SLC5A2: variants seen among roughly 807,000 people sequenced by gnomAD.
The protein encoded by SLC5A2 is solute carrier family 5 member 2.
In SLC5A2, 67 loss-of-function variants were observed where a neutral mutation model predicts 69.0. The ratio of observed to expected loss-of-function variants is 0.97; its 90% confidence interval spans 0.80 to 1.19. The LOEUF is 1.19. Ranked by LOEUF, SLC5A2 falls within the 50% of genes most tolerant of loss-of-function variation. The pLI is 0.00. For missense variants in SLC5A2, 1,001 were observed against 921.5 expected (o/e 1.09, Z -1.12); for synonymous variants, 455 against 395.8 (o/e 1.15, Z -1.78).
At chr16:31,487,970 G>A (rs1326202181) in intron 7 of SLC5A2, 68 bp from the exon 8 acceptor site, 10 of 1,599,072 alleles carry the variant, frequency 6.3e-6, no homozygotes, top group Non-Finnish European at 8.5e-6. Flanking sequence ...GGGGCACAGA[G>A]CGGAACGGGG....
At position 31,487,662 on chromosome 16, in the gene SLC5A2, A is replaced by G; in HGVS notation, c.788A>G (p.Tyr263Cys). ...SFCYRPRPDS[Y>C]HLLRHPVTGD... Reference sequence around the variant, plus strand: ...TGCTATCGACCCCGGCCCGACTCCTACCACCTGCTCCGGCACCCCGTGACC... The same window carrying G: ...TGCTATCGACCCCGGCCCGACTCCTGCCACCTGCTCCGGCACCCCGTGACC... The change falls in exon 7 of 14, where the codon TAC becomes TGC. Residue 263 changes from tyrosine to cysteine, a missense_variant. Transcript: ENST00000330498. 1 of 1,613,726 alleles carries G rather than the reference A, an allele frequency of 6.2e-7. No homozygotes were observed. Among genetic ancestry groups the G allele is most frequent in the Non-Finnish European group, 8.5e-7 (1 of 1,179,976 alleles).
rs1040141665 is a variant in SLC5A2, at chr16:31,483,141, A to C, written c.5A>C (p.Glu2Ala). Residue 2 changes from glutamate to alanine, a missense_variant, in exon 1 of 14, where the codon GAG (glutamate) becomes GCG (alanine). Coordinates refer to ENST00000330498, the MANE Select transcript of SLC5A2 (RefSeq NM_003041.4). ...ATGGGGCAGATCCTGGGGAGAATGG[A>C]GGAGCACACAGAGGCAGGCTCGGCA... Reference protein sequence around the residue: MEEHTEAGSAPE... With the variant: MAEHTEAGSAPE... The C allele has an allele frequency of 1.2e-6, 2 of 1,613,874 alleles. No individual in the cohort carries two copies. The highest frequency in any genetic ancestry group is 1.7e-6 in the Non-Finnish European group (2 of 1,180,022).
intron 3 of SLC5A2, 147 bp downstream of exon 3, chr16:31,485,070 T>C: frequency 2.5e-6 from 2 of 785,772 alleles, no homozygotes; most frequent in Admixed American, 2.0e-5. Context: ...GTGGAGGTCA[T>C]ACATCTAGCC....
In SLC5A2 at chr16:31,487,537, C is replaced by T. The variant is rs562917404; in HGVS notation, c.663C>T (p.His221=). Residue 221 remains histidine (H), a synonymous_variant, in exon 7 of 14, where the codon CAC becomes CAT. Transcript: ENST00000330498. The part of the protein sequence containing the change: ...GACILMGYAF[H]EVGGYSGLFD... ...GACGGCCTTGCCCGGCAGCCTTCCACGAGGTGGGCGGGTATTCGGGTCTCT... is the reference window on the plus strand; with the variant it reads ...GACGGCCTTGCCCGGCAGCCTTCCATGAGGTGGGCGGGTATTCGGGTCTCT... 37 of 1,613,836 alleles carry T rather than the reference C, an allele frequency of 2.3e-5. No individual in the cohort carries two copies. The East Asian group carries it at 7.4e-4, about 32-fold the overall frequency.
chr16:31,484,724 C>G lies in SLC5A2; in HGVS notation c.178C>G (p.Arg60Gly), dbSNP rs201586410. The G allele has an allele frequency of 6.2e-7, 1 of 1,610,110 alleles. No homozygotes were observed. Among genetic ancestry groups the G allele is most frequent in the African/African-American group, 1.3e-5 (1 of 75,056 alleles). ...TGTGGGCGGCTACTTCCTGGCAGGA[C>G]GCAGCATGGTGTGGTGGCCGGTGAG... ...GTVGGYFLAG[R>G]SMVWWPVGAS... Residue 60 changes from arginine (R) to glycine (G), a missense_variant, in exon 2 of 14, where the codon CGC (arginine) becomes GGC (glycine). Coordinates refer to ENST00000330498, the MANE Select transcript of SLC5A2 (RefSeq NM_003041.4).
At position 31,484,675 on chromosome 16, in the gene SLC5A2, C is replaced by T; in HGVS notation, c.129C>T (p.Ser43=). Residue 43 remains serine, a splice_region_variant and synonymous_variant, in exon 2 of 14, where the codon TCC becomes TCT. Transcript: ENST00000330498. Reference sequence around the variant, plus strand: ...TCTCCCCCGCCTCTGTCTCCCAGTCCATGTGCAGAACCAACAGAGGCACTG... The same window carrying T: ...TCTCCCCCGCCTCTGTCTCCCAGTCTATGTGCAGAACCAACAGAGGCACTG... The part of the protein sequence containing the change: ...FLLVIGVGLW[S]MCRTNRGTVG... The T allele has an allele frequency of 6.2e-7, 1 of 1,607,538 alleles. No homozygotes were observed. The highest frequency in any genetic ancestry group is 8.5e-7 in the Non-Finnish European group (1 of 1,179,982).
intron 1 of SLC5A2, among the ~76,000 whole-genome samples, chr16:31,484,284 AGTGG>A (rs940739937): frequency 2.6e-5 from 4 of 151,940 alleles, no homozygotes; most frequent in Non-Finnish European, 5.9e-5. Flanking sequence ...AGCTGGGTAT[AGTGG>A]CGTGTGCCTA....
Position 31,484,886 on chromosome 16 carries a change from C to T in SLC5A2, c.266C>T (p.Ala89Val). 2 of 1,614,216 alleles carry T rather than the reference C, an allele frequency of 1.2e-6. No individual in the cohort carries two copies. Among genetic ancestry groups the T allele is most frequent in the Non-Finnish European group, 1.7e-6 (2 of 1,180,040 alleles). The part of the protein sequence containing the change: ...GHFVGLAGTG[A>V]ASGLAVAGFE... ...TTTGTGGGCCTGGCAGGGACTGGCGCTGCAAGTGGCTTGGCTGTTGCTGGA... is the reference window on the plus strand; with the variant it reads ...TTTGTGGGCCTGGCAGGGACTGGCGTTGCAAGTGGCTTGGCTGTTGCTGGA... Residue 89 changes from alanine to valine, a missense_variant, in exon 3 of 14, where the codon GCT becomes GTT. By Grantham distance (64) the Ala-to-Val change is moderately conservative. Coordinates refer to ENST00000330498, the MANE Select transcript of SLC5A2 (RefSeq NM_003041.4).
rs764234388 is a variant in SLC5A2, at chr16:31,487,378, C to T, written c.633C>T (p.Gly211=). ...TACAGACCTTCGTCATTCTGGGGGG[C>T]GCCTGCATCCTCATGGGTTACGGTA... ...DTVQTFVILG[G]ACILMGYAFH... The change falls in exon 6 of 14, where the codon GGC becomes GGT. Residue 211 remains glycine (G), a synonymous_variant. Coordinates refer to ENST00000330498, the MANE Select transcript of SLC5A2 (RefSeq NM_003041.4). 6.2e-7 allele frequency: 1 copy of T among 1,613,726 alleles called. No homozygotes were observed. Among genetic ancestry groups the T allele is most frequent in the Non-Finnish European group, 8.5e-7 (1 of 1,180,006 alleles).
At chr16:31,489,690 G>A in intron 12 of SLC5A2, 1 of 467,466 alleles carries the variant, frequency 2.1e-6, no homozygotes, top group East Asian at 4.4e-5. Context: ...TCCAGGCAGG[G>A]CTGATGGTGG....
chr16:31,487,417 C>T lies in SLC5A2; in HGVS notation c.655+17C>T, dbSNP rs747566151. ...TGGGTTACGGTAGGGGCTCGCCTAC[C>T]AGGGAGGGGCGCGGAGGGCATGGTC... On this transcript the variant is annotated intron_variant, in intron 6 of 13. Coordinates refer to ENST00000330498, the MANE Select transcript of SLC5A2 (RefSeq NM_003041.4). 3.7e-6 allele frequency: 6 copies of T among 1,613,026 alleles called. No homozygotes were observed. The African/African-American group carries it at 8.0e-5, about 22-fold the overall frequency.
In SLC5A2 at chr16:31,488,891, T is replaced by C. The variant is rs1225171672; in HGVS notation, c.1292T>C (p.Val431Ala). ...ELLLVGRLWV[V>A]FIVVVSVAWL... Reference sequence around the variant, plus strand: ...GGCCTCCGCCGCAGGCTCTGGGTGGTGTTCATCGTGGTAGTGTCGGTGGCC... The same window carrying C: ...GGCCTCCGCCGCAGGCTCTGGGTGGCGTTCATCGTGGTAGTGTCGGTGGCC... The change falls in exon 11 of 14, where the codon GTG (valine) becomes GCG (alanine). Residue 431 changes from valine (V) to alanine (A), a missense_variant. Transcript: ENST00000330498. 6.2e-7 allele frequency: 1 copy of C among 1,605,324 alleles called. No homozygotes were observed. The highest frequency in any genetic ancestry group is 2.2e-5 in the East Asian group (1 of 44,838).
In SLC5A2 at chr16:31,489,233, C is replaced by A. The variant is rs1425585851; in HGVS notation, c.1560C>A (p.Phe520Leu). The A allele has an allele frequency of 1.2e-6, 2 of 1,610,436 alleles. No homozygotes were observed. Among genetic ancestry groups the A allele is most frequent in the Admixed American group, 3.3e-5 (2 of 60,008 alleles). ...TGCAGCCCTCGGCGTGCCCAGCTTT[C>A]CTCTGCGGCGTGCACTACCTCTACT... is the stretch of plus-strand genomic sequence containing the variant. ...SCVQPSACPA[F>L]LCGVHYLYFA... is the part of the protein sequence containing the mutation. The change falls in exon 12 of 14, where the codon TTC becomes TTA. Residue 520 changes from phenylalanine (F) to leucine (L), a missense_variant. Coordinates refer to ENST00000330498, the MANE Select transcript of SLC5A2 (RefSeq NM_003041.4).
chr16:31,489,398 T>A lies in SLC5A2; in HGVS notation c.1665+60T>A. ...GACACAGCACCTACCCTCTGCTTCC[T>A]GGAGTGCCCAGCTGGGAGGACCTGA... On this transcript the variant is annotated intron_variant, in intron 12 of 13. Coordinates refer to ENST00000330498, the MANE Select transcript of SLC5A2 (RefSeq NM_003041.4). The A allele has an allele frequency of 2.0e-6, 3 of 1,488,208 alleles. No homozygotes were observed. The South Asian group carries it at 3.5e-5, about 17-fold the overall frequency. The allele number at this position is 1,488,208 out of a possible 1,614,324, so 92.2% of individuals were successfully genotyped here. A position where few individuals can be genotyped will look rare whatever the true frequency, so the allele number is the denominator to read the frequency against.
chr16:31,488,520 G>C, intron 9 of SLC5A2, 30 bp downstream of exon 9: 1 of 1,601,654 alleles, frequency 6.2e-7, no homozygotes, highest in Non-Finnish European at 8.5e-7. Context: ...ACAGGCGCAA[G>C]CTCGCTGCGG....
chr16:31,487,932 G>A (rs2082512138), intron 7 of SLC5A2, 106 bp from the exon 8 acceptor site: 1 of 1,542,788 alleles, frequency 6.5e-7, no homozygotes, highest in Non-Finnish European at 8.8e-7. Flanking sequence ...GCGTGCAGCT[G>A]AACTTGGGGC....
Position 31,484,754 on chromosome 16 carries a change from G to T in SLC5A2, c.198+10G>T, listed in dbSNP as rs1485362252. 1 of 1,610,626 alleles carries T rather than the reference G, an allele frequency of 6.2e-7. No individual in the cohort carries two copies. Among genetic ancestry groups the T allele is most frequent in the South Asian group, 1.1e-5 (1 of 91,086 alleles). ...CATGGTGTGGTGGCCGGTGAGACGG[G>T]CTGGGCCGGGAACGGGAGGGGCCTG... On this transcript the variant is annotated intron_variant, in intron 2 of 13. Transcript: ENST00000330498.
At chr16:31,485,282 C>T in intron 3 of SLC5A2, 1 of 462,176 alleles carries the variant, frequency 2.2e-6, no homozygotes, top group African/African-American at 2.0e-5. Context: ...AAGTTAAAGC[C>T]CTTTGCAGAA....
rs759939770 is a variant in SLC5A2 at position 31,484,674 on chromosome 16, C to T, written c.128C>T (p.Ser43Phe). The T allele has an allele frequency of 9.3e-6, 15 of 1,607,348 alleles. 1 individual carries two copies. In the South Asian group the frequency reaches 1.4e-4, roughly 15 times the overall value. ...FLLVIGVGLW[S>F]MCRTNRGTVG... Reference sequence around the variant, plus strand: ...GTCTCCCCCGCCTCTGTCTCCCAGTCCATGTGCAGAACCAACAGAGGCACT... The same window carrying T: ...GTCTCCCCCGCCTCTGTCTCCCAGTTCATGTGCAGAACCAACAGAGGCACT... Residue 43 changes from serine to phenylalanine, a missense_variant and splice_region_variant, in exon 2 of 14, where the codon TCC (serine) becomes TTC (phenylalanine). By Grantham distance (155) the Ser-to-Phe change is radical. Coordinates refer to ENST00000330498, the MANE Select transcript of SLC5A2 (RefSeq NM_003041.4).
Sources: gnomAD v4.1 joint callset for allele counts (sites outside exome capture counted in the v4.1 genomes callset) on GRCh38, gnomAD v4.1.1 for gene constraint, MANE v1.5 for transcripts, NCBI Gene and HGNC (gene_info 2026-07-23, HGNC 2026-07-21) for gene names.